The following IBTK variants were observed in gnomAD, a reference collection of about 807,000 sequenced individuals.
The protein encoded by IBTK is inhibitor of Bruton tyrosine kinase.
Under a neutral mutation model 154.9 loss-of-function variants are expected in IBTK, and 83 were observed. The ratio of observed to expected loss-of-function variants is 0.54; its 90% CI spans 0.45 to 0.64. The LOEUF is 0.64. IBTK is among the 30% of genes least tolerant of loss of function. The pLI is 0.00. For missense variants in IBTK, 1,332 were observed against 1,584.6 expected (o/e 0.84, Z 2.71); for synonymous variants, 515 against 536.1 (o/e 0.96, Z 0.54).
Position 82,217,985 on chromosome 6 carries a change from C to T in IBTK, c.1401G>A (p.Glu467=), listed in dbSNP as rs1421099608. The T allele has an allele frequency of 6.2e-7, 1 of 1,600,308 alleles. No homozygotes were observed. Among genetic ancestry groups the T allele is most frequent in the Non-Finnish European group, 8.5e-7 (1 of 1,175,396 alleles). Residue 467 remains glutamate, a synonymous_variant, in exon 10 of 29, where the codon GAG becomes GAA. Coordinates refer to ENST00000306270, the MANE Select transcript of IBTK (RefSeq NM_015525.4). The part of the protein sequence containing the change: ...GEGFRGRWFE[E]KRKSSEKKEI... The stretch of plus-strand genomic sequence containing the variant: ...CTTTCTTTTCAGAACTCTTTCTTTT[C>T]TCTTCAAACCATCTCCCTCTAAATC...
At chr6:82,234,627 C>A (rs1770648913) in intron 2 of IBTK, among the ~76,000 whole-genome samples, 1 of 151,974 alleles carries the variant, frequency 6.6e-6, no homozygotes, top group Non-Finnish European at 1.5e-5. Context: ...TGAGCCACCA[C>A]ACCTGGCCGA....
intron 1 of IBTK, among the ~76,000 whole-genome samples, chr6:82,244,065 T>TA (rs887245266): frequency 1.1e-4 from 16 of 152,300 alleles, no homozygotes; most frequent in African/African-American, 3.8e-4. Flanking sequence ...GTTATATAAC[T>TA]AAAAAATGAC....
Position 82,214,848 on chromosome 6 carries a change from C to G in IBTK, c.1602-19G>C. 2.0e-6 allele frequency: 3 copies of G among 1,524,512 alleles called. No individual in the cohort carries two copies. The highest frequency in any genetic ancestry group is 2.6e-6 in the Non-Finnish European group (3 of 1,136,512). The allele number at this position is 1,524,512 out of a possible 1,614,324, so 94.4% of individuals were successfully genotyped here. A position where few individuals can be genotyped will look rare whatever the true frequency, so the allele number is the denominator to read the frequency against. On this transcript the variant is annotated intron_variant, in intron 11 of 28. Coordinates refer to ENST00000306270, the MANE Select transcript of IBTK (RefSeq NM_015525.4). ...ATAAAGGCTAGAAAGAAGACAAAAA[C>G]AAATTATGCTTCAAAAAATATGAAG...
Position 82,218,013 on chromosome 6 carries a change from T to C in IBTK, c.1373A>G (p.Glu458Gly). Residue 458 changes from glutamate (E) to glycine (G), a missense_variant, in exon 10 of 29, where the codon GAA becomes GGA. Glu to Gly is a moderately conservative substitution (Grantham distance 98). Around this residue, in one of 3 missense-constraint regions of IBTK, gnomAD observed 1,134 missense variants for 1,274.7 expected, o/e 0.89. Coordinates refer to ENST00000306270, the MANE Select transcript of IBTK (RefSeq NM_015525.4). ...NEILFVTQDG[E>G]GFRGRWFEEK... is the part of the protein sequence containing the mutation. ...TTCAAACCATCTCCCTCTAAATCCT[T>C]CTCCATCTTGCGTAACAAATAGAAT... 1.2e-6 allele frequency: 2 copies of C among 1,611,752 alleles called. No homozygotes were observed. The highest frequency in any genetic ancestry group is 1.7e-6 in the Non-Finnish European group (2 of 1,179,032).
intron 1 of IBTK, among the ~76,000 whole-genome samples, chr6:82,241,466 T>C (rs549107777): frequency 6.6e-6 from 1 of 152,298 alleles, no homozygotes; most frequent in African/African-American, 2.4e-5. Flanking sequence ...GAAGAGATGA[T>C]AATTAAACAA....
chr6:82,243,901 GA>G (rs1223294047), intron 1 of IBTK, among the ~76,000 whole-genome samples: 2 of 152,020 alleles, frequency 1.3e-5, no homozygotes, highest in Admixed American at 1.3e-4. Flanking sequence ...TTAAAGGGGG[GA>G]AAAAAGAATG....
At chr6:82,180,970 T>C (rs1390912420) in intron 26 of IBTK, among the ~76,000 whole-genome samples, 1 of 152,260 alleles carries the variant, frequency 6.6e-6, no homozygotes, top group Non-Finnish European at 1.5e-5. Flanking sequence ...CATGCTGGAG[T>C]GCAGTGGTTT....
chr6:82,220,975 C>CACACACACACACACAG (rs1170015278), intron 8 of IBTK, among the ~76,000 whole-genome samples: 1 of 151,266 alleles, frequency 6.6e-6, no homozygotes, highest in African/African-American at 2.4e-5. Flanking sequence ...CACACACACA[C>CACACACACACACACAG]ACACATTAAA....
chr6:82,244,418 G>A (rs1195953785), intron 1 of IBTK, among the ~76,000 whole-genome samples: 1 of 152,090 alleles, frequency 6.6e-6, no homozygotes, highest in African/African-American at 2.4e-5. Context: ...ATTCCCTTAA[G>A]GAGTCTAAAA....
At chr6:82,181,704 C>T (rs750898183) in intron 26 of IBTK, among the ~76,000 whole-genome samples, 175 bp downstream of exon 26, 9 of 151,948 alleles carry the variant, frequency 5.9e-5, no homozygotes, top group Non-Finnish European at 1.0e-4. Context: ...TCTCCGTAAC[C>T]GTTTCAATTT....
chr6:82,213,834 G>C (rs1384771397), intron 12 of IBTK, among the ~76,000 whole-genome samples: 1 of 151,966 alleles, frequency 6.6e-6, no homozygotes, highest in African/African-American at 2.4e-5. Flanking sequence ...CCCAAAAAAA[G>C]GATGGGTAGG....
intron 9 of IBTK, among the ~76,000 whole-genome samples, chr6:82,218,798 G>A (rs1278079241): frequency 6.6e-6 from 1 of 152,056 alleles, no homozygotes; most frequent in Non-Finnish European, 1.5e-5. Flanking sequence ...TGAAAAATTG[G>A]AACTGCTGAT....
chr6:82,181,376 A>AT (rs1768312451), intron 26 of IBTK, among the ~76,000 whole-genome samples: 1 of 152,242 alleles, frequency 6.6e-6, no homozygotes, highest in South Asian at 2.1e-4. Flanking sequence ...ATGGATACCC[A>AT]TAACAGCATG....
At chr6:82,246,503 G>A (rs1771152703) in intron 1 of IBTK, among the ~76,000 whole-genome samples, 1 of 141,042 alleles carries the variant, frequency 7.1e-6, no homozygotes, top group Admixed American at 7.4e-5. Context: ...GGAGTGCAGC[G>A]GCGCGATCTC....
At chr6:82,196,251 T>A in intron 22 of IBTK, 47 bp downstream of exon 22, 1 of 1,426,334 alleles carries the variant, frequency 7.0e-7, no homozygotes, top group Non-Finnish European at 9.4e-7. Context: ...AAACCATCTA[T>A]AAATCTAAAA....
At chr6:82,227,164 CTAAA>C (rs1770328706) in intron 5 of IBTK, 24 bp downstream of exon 5, 2 of 1,460,248 alleles carry the variant, frequency 1.4e-6, no homozygotes, top group Non-Finnish European at 1.9e-6. Context: ...CTAAAGTTAC[CTAAA>C]TAGTGTAATG....
At chr6:82,226,929 C>T (rs1036560965) in intron 5 of IBTK, among the ~76,000 whole-genome samples, 7 of 152,130 alleles carry the variant, frequency 4.6e-5, no homozygotes, top group East Asian at 1.9e-4. Flanking sequence ...TCTATTTCAA[C>T]TCTAGAAACA....
chr6:82,191,208 A>G lies in IBTK; in HGVS notation c.3440T>C (p.Val1147Ala). ...ATPKSHLGKT[V>A]SHGVKLSQKQ... is the part of the protein sequence containing the mutation. ...CTGAGAAAGTTTAACTCCATGAGAA[A>G]CTGTTTTGCTAGAAATTAAACCAAT... The change falls in exon 25 of 29, where the codon GTT becomes GCT. Residue 1147 changes from valine to alanine, a missense_variant. Coordinates refer to ENST00000306270, the MANE Select transcript of IBTK (RefSeq NM_015525.4). The G allele has an allele frequency of 1.9e-6, 3 of 1,605,880 alleles. No individual in the cohort carries two copies. The highest frequency in any genetic ancestry group is 2.5e-6 in the Non-Finnish European group (3 of 1,177,740).
At chr6:82,192,014 T>C (rs2127803265) in intron 23 of IBTK, 135 bp from the exon 24 acceptor site, 4 of 564,472 alleles carry the variant, frequency 7.1e-6, no homozygotes, top group Non-Finnish European at 1.3e-5. Flanking sequence ...TGTGAGCCAG[T>C]TTCATAAAGG....
Sources: allele counts gnomAD v4.1 joint callset (sites outside exome capture counted in the v4.1 genomes callset), GRCh38; gene constraint gnomAD v4.1.1; regional missense constraint gnomAD v4.1.1; transcripts MANE v1.5; gene names NCBI Gene and HGNC (gene_info 2026-07-23, HGNC 2026-07-21).